The following SPATA13 variants were observed in gnomAD, a reference collection of about 807,000 sequenced individuals.
SPATA13 encodes the protein spermatogenesis associated 13.
SPATA13 carries 50 observed loss-of-function variants against 104.0 expected under a neutral mutation model. That is an observed-to-expected ratio of 0.48 (90% CI 0.38 to 0.61). The LOEUF is 0.61. Ranked by LOEUF, SPATA13 falls within the 20% of genes least tolerant of loss-of-function variation. The probability of loss-of-function intolerance (pLI) is 0.00; values close to 1 mark genes in which losing one functional copy is unlikely to be tolerated. For missense variants in SPATA13, 1,524 were observed against 1,690.6 expected (o/e 0.90, Z 1.73); for synonymous variants, 606 against 667.5 (o/e 0.91, Z 1.42).
In SPATA13 at chr13:24,003,169, AG is replaced by A. The variant is rs201241170; in HGVS notation, c.-146-14494del. On this transcript the variant is annotated intron_variant, in intron 2 of 14. Coordinates refer to the SPATA13 transcript ENST00000424834. Reference sequence around the variant, plus strand: ...TTTCCCCACGCTGGTCTATAAATGCAGGGGTGTGTGTGTGTGTGTATGGATG... The same window carrying A: ...TTTCCCCACGCTGGTCTATAAATGCAGGGTGTGTGTGTGTGTGTATGGATG... 6.8e-3 allele frequency among the ~76,000 whole-genome samples: 1,036 copies of A among 152,180 alleles called. 21 individuals carry two copies. Among genetic ancestry groups the A allele is most frequent in the East Asian group, 0.067 (347 of 5,158 alleles).
At chr13:24,181,778 AAAGT>A (rs1244214368) in intron 1 of SPATA13, among the ~76,000 whole-genome samples, 16 of 94,436 alleles carry the variant, frequency 1.7e-4, no homozygotes, top group South Asian at 9.5e-4. Context: ...TTTTTTTGTT[AAAGT>A]AAGTAAGTAG....
chr13:24,150,071 A>T (rs1882052560), intron 3 of SPATA13, among the ~76,000 whole-genome samples: 1 of 152,076 alleles, frequency 6.6e-6, no homozygotes, highest in Admixed American at 6.5e-5. Context: ...CCAGGTGTGC[A>T]GCCTGGAGGA....
intron 4 of SPATA13, among the ~76,000 whole-genome samples, chr13:24,277,915 C>T (rs7986211): frequency 0.17 from 26,433 of 152,108 alleles, 2,360 homozygotes; most frequent in Middle Eastern, 0.26. Flanking sequence ...TGAGAAATCC[C>T]ACTCCATAAA....
intron 3 of SPATA13, among the ~76,000 whole-genome samples, chr13:24,115,901 A>G (rs1444491942): frequency 6.6e-6 from 1 of 152,190 alleles, no homozygotes; most frequent in Non-Finnish European, 1.5e-5. Flanking sequence ...TCTCCTGAGC[A>G]CAGTTTTCCT....
intron 2 of SPATA13, among the ~76,000 whole-genome samples, chr13:24,005,767 C>G (rs1327059382): frequency 1.3e-5 from 2 of 152,192 alleles, no homozygotes; most frequent in East Asian, 3.8e-4. Flanking sequence ...TGCCACAACC[C>G]TGAAAGCTAG....
chr13:23,991,542 G>T (rs1875417045), intron 2 of SPATA13, among the ~76,000 whole-genome samples: 2 of 152,192 alleles, frequency 1.3e-5, no homozygotes, highest in South Asian at 2.1e-4. Context: ...GCTTCATGCT[G>T]CAAAGTTAGC....
chr13:24,018,559 C>A (rs552244475), intron 3 of SPATA13, among the ~76,000 whole-genome samples: 82 of 152,302 alleles, frequency 5.4e-4, no homozygotes, highest in African/African-American at 2.0e-3. Context: ...ATGTTTAGGT[C>A]TCAGAAAACC....
intron 2 of SPATA13, among the ~76,000 whole-genome samples, chr13:24,008,426 G>A (rs1024945979): frequency 2.6e-5 from 4 of 152,176 alleles, no homozygotes; most frequent in African/African-American, 9.7e-5. Context: ...CTCCATAGCC[G>A]GCAGCTCTTA....
chr13:24,090,663 G>A (rs7324314), intron 3 of SPATA13, among the ~76,000 whole-genome samples: 6,349 of 152,238 alleles, frequency 0.042, 380 homozygotes, highest in African/African-American at 0.13. Context: ...ACTTACTGAT[G>A]TTCCCTATTT....
chr13:24,085,016 C>T (rs1036091416), intron 3 of SPATA13, among the ~76,000 whole-genome samples: 5 of 152,116 alleles, frequency 3.3e-5, no homozygotes, highest in Admixed American at 6.5e-5. Flanking sequence ...CTAAGTCAGC[C>T]GCCTGTGTGT....
chr13:24,224,346 A>T lies in SPATA13; in HGVS notation c.1417A>T (p.Ser473Cys). Residue 473 changes from serine to cysteine, a missense_variant, in exon 2 of 13, where the codon AGC (serine) becomes TGC (cysteine). Transcript: ENST00000382108. The part of the protein sequence containing the change: ...PLRPTTPKPQ[S>C]PQSPQSPGAG... ...AAGGCCCACCACACCCAAGCCCCAG[A>T]GCCCTCAGAGCCCCCAGAGCCCCGG... The T allele has an allele frequency of 4.5e-6, 7 of 1,551,660 alleles. No homozygotes were observed. Among genetic ancestry groups the T allele is most frequent in the Non-Finnish European group, 6.1e-6 (7 of 1,146,994 alleles).
intron 1 of SPATA13, among the ~76,000 whole-genome samples, chr13:24,198,076 A>C (rs9578691): frequency 0.086 from 13,083 of 151,676 alleles, 1,779 homozygotes; most frequent in African/African-American, 0.29. Flanking sequence ...GCTTACTGCA[A>C]CCTCCACCTC....
intron 3 of SPATA13, among the ~76,000 whole-genome samples, chr13:24,055,188 A>G (rs923240265): frequency 5.3e-5 from 8 of 152,210 alleles, no homozygotes; most frequent in Non-Finnish European, 1.2e-4. Context: ...GTCTTTGTGA[A>G]AATCTTATAC....
chr13:24,301,056 C>T (rs1398731904), intron 12 of SPATA13, among the ~76,000 whole-genome samples: 2 of 152,090 alleles, frequency 1.3e-5, no homozygotes, highest in Non-Finnish European at 2.9e-5. Context: ...ATGCCCAGGC[C>T]GCATACCCAG....
At chr13:23,987,563 C>A (rs1417732681) in intron 2 of SPATA13, among the ~76,000 whole-genome samples, 1 of 152,122 alleles carries the variant, frequency 6.6e-6, no homozygotes, top group Non-Finnish European at 1.5e-5. Context: ...TCCAAAAGAC[C>A]TGATTTTGCC....
At chr13:24,265,419 C>T (rs905943973) in intron 4 of SPATA13, among the ~76,000 whole-genome samples, 4 of 152,152 alleles carry the variant, frequency 2.6e-5, no homozygotes, top group South Asian at 2.1e-4. Context: ...AGGTCACTCT[C>T]GGCACTCGAT....
At chr13:24,173,280 T>C (rs1480515246) in intron 1 of SPATA13, among the ~76,000 whole-genome samples, 2 of 152,222 alleles carry the variant, frequency 1.3e-5, no homozygotes, top group Non-Finnish European at 2.9e-5. Context: ...GGTTTTGCCA[T>C]GTTAGCCGGG....
intron 4 of SPATA13, among the ~76,000 whole-genome samples, chr13:24,261,653 C>T (rs1158901011): frequency 2.6e-5 from 4 of 152,082 alleles, no homozygotes; most frequent in Admixed American, 2.0e-4. Flanking sequence ...TAAGCGGTGT[C>T]CCAGATGTCA....
intron 1 of SPATA13, among the ~76,000 whole-genome samples, chr13:24,209,562 C>G (rs1431157906): frequency 6.6e-6 from 1 of 152,184 alleles, no homozygotes; most frequent in Non-Finnish European, 1.5e-5. Flanking sequence ...GCATAATATC[C>G]TCCAGCTTTA....
Sources: allele counts gnomAD v4.1 joint callset (sites outside exome capture counted in the v4.1 genomes callset), GRCh38; gene constraint gnomAD v4.1.1; transcripts MANE v1.5; gene names NCBI Gene and HGNC (gene_info 2026-07-23, HGNC 2026-07-21).